CLSTN1: variants seen among roughly 807,000 people sequenced by gnomAD.
CLSTN1 encodes the protein calsyntenin-1.
CLSTN1 carries 28 observed loss-of-function variants against 108.3 expected under a neutral mutation model. That is an observed-to-expected ratio of 0.26 (90% CI 0.19 to 0.35). The LOEUF (loss-of-function observed/expected upper bound fraction) is 0.35. Ranked by LOEUF, CLSTN1 falls within the 10% of genes least tolerant of loss-of-function variation. CLSTN1 has a pLI of 1.00. For missense variants in CLSTN1, 1,157 were observed against 1,302.6 expected, an observed-to-expected ratio of 0.89 and a Z score of 1.72; for synonymous variants, 524 against 534.9, an observed-to-expected ratio of 0.98 and a Z score of 0.28.
At chr1:9,795,677 G>A (rs533772154) in intron 1 of CLSTN1, among the ~76,000 whole-genome samples, 4 of 151,564 alleles carry the variant, frequency 2.6e-5, no homozygotes, top group African/African-American at 9.6e-5. Context: ...ACACTGGCTG[G>A]GTGCGGTGGC....
At chr1:9,752,329 G>C (rs1651595185) in intron 4 of CLSTN1, among the ~76,000 whole-genome samples, 1 of 152,140 alleles carries the variant, frequency 6.6e-6, no homozygotes, top group South Asian at 2.1e-4. Context: ...AAAAACTGTA[G>C]GTTTCAAGGG....
intron 1 of CLSTN1, among the ~76,000 whole-genome samples, chr1:9,817,038 T>C (rs927777110): frequency 6.6e-6 from 1 of 152,172 alleles, no homozygotes; most frequent in Non-Finnish European, 1.5e-5. Flanking sequence ...GTTCTTGTCA[T>C]GGGAGAATCA....
At chr1:9,744,694 G>A (rs567366239) in intron 7 of CLSTN1, 51 bp from the exon 8 acceptor site, 16 of 1,549,314 alleles carry the variant, frequency 1.0e-5, no homozygotes, top group South Asian at 3.5e-5. Context: ...GAGGTCCCGC[G>A]CACCTCAAGC....
intron 1 of CLSTN1, among the ~76,000 whole-genome samples, chr1:9,787,183 GAA>G: frequency 6.6e-6 from 1 of 151,204 alleles, no homozygotes; most frequent in East Asian, 2.0e-4. Context: ...GAATCCAGAA[GAA>G]GGGGCTTCTG....
At chr1:9,803,648 C>T (rs965565559) in intron 1 of CLSTN1, among the ~76,000 whole-genome samples, 5 of 151,760 alleles carry the variant, frequency 3.3e-5, no homozygotes, top group African/African-American at 1.2e-4. Context: ...ACTAAAAATA[C>T]AAAAATTAGC....
At position 9,730,827 on chromosome 1, in the gene CLSTN1, C is replaced by T. The variant is rs1650336275; in HGVS notation, c.2749-122G>A. ...GCCCCAGCGTCTCCCTCCCCAGCGA[C>T]AGAGCAGCCAGGACGGCACCGGAAG... On this transcript the variant is annotated intron_variant, in intron 18 of 18. Coordinates refer to ENST00000377298, the MANE Select transcript of CLSTN1 (RefSeq NM_001009566.3). This position sits in a 1 kb window ranked among gnomAD's most constrained non-coding sequence, Gnocchi z 5.6. 2 of 928,444 alleles carry T rather than the reference C, an allele frequency of 2.2e-6. No homozygotes were observed. Among genetic ancestry groups the T allele is most frequent in the East Asian group, 5.3e-5 (2 of 37,844 alleles). 57.5% of individuals were successfully genotyped at this position (928,444 alleles called of 1,614,324 possible). A position where few individuals can be genotyped will look rare whatever the true frequency, so the allele number is the denominator to read the frequency against.
chr1:9,771,616 GA>G (rs1020057394), intron 2 of CLSTN1, among the ~76,000 whole-genome samples: 2 of 149,218 alleles, frequency 1.3e-5, no homozygotes, highest in African/African-American at 2.5e-5. Flanking sequence ...TGTTTCAGGA[GA>G]AAAAAAAAAT....
intron 2 of CLSTN1, among the ~76,000 whole-genome samples, chr1:9,766,592 AG>A (rs1482154565): frequency 6.6e-6 from 1 of 151,906 alleles, no homozygotes; most frequent in Non-Finnish European, 1.5e-5. Context: ...CCCGGAAGGC[AG>A]AGGTTGCAGT....
In CLSTN1 at chr1:9,734,825, G is replaced by C. The variant is rs909934781; in HGVS notation, c.2110+123C>G. On this transcript the variant is annotated intron_variant, in intron 14 of 18. Coordinates refer to ENST00000377298, the MANE Select transcript of CLSTN1 (RefSeq NM_001009566.3). The surrounding 1 kb of genome is among the most constrained non-coding windows in gnomAD (Gnocchi z 4.8). ...TCAGATTCCAGAAGCACACCCGAGA[G>C]AACACCAACGAAAGATTAAAACCTC... 3.9e-6 allele frequency: 3 copies of C among 777,036 alleles called. No homozygotes were observed. Among genetic ancestry groups the C allele is most frequent in the Middle Eastern group, 3.6e-4 (1 of 2,766 alleles). The allele number at this position is 777,036 out of a possible 1,614,324, so 48.1% of individuals were successfully genotyped here. A position where few individuals can be genotyped will look rare whatever the true frequency, so the allele number is the denominator to read the frequency against.
intron 7 of CLSTN1, among the ~76,000 whole-genome samples, chr1:9,748,789 C>G (rs1418110030): frequency 1.3e-5 from 2 of 151,834 alleles, no homozygotes; most frequent in Admixed American, 6.6e-5. Flanking sequence ...ATGCCCTGGC[C>G]TTTGTCTTCA....
intron 2 of CLSTN1, among the ~76,000 whole-genome samples, chr1:9,772,104 G>T (rs1454077705): frequency 7.1e-6 from 1 of 140,124 alleles, no homozygotes; most frequent in South Asian, 2.3e-4. Flanking sequence ...TGCCTCCGGA[G>T]TACCTAGGAC....
chr1:9,738,648 T>C (rs918912563), intron 10 of CLSTN1, among the ~76,000 whole-genome samples: 1 of 152,094 alleles, frequency 6.6e-6, no homozygotes, highest in Admixed American at 6.5e-5. Flanking sequence ...AAACAATCTG[T>C]GGGGTTTTTT....
At chr1:9,773,434 A>G (rs760491030) in intron 1 of CLSTN1, 40 bp from the exon 2 acceptor site, 1 of 1,550,944 alleles carries the variant, frequency 6.4e-7, no homozygotes, top group Non-Finnish European at 8.7e-7. Flanking sequence ...CAAGGTTAGA[A>G]ATATTATTTT....
At chr1:9,781,133 G>A (rs1467609886) in intron 1 of CLSTN1, 3 of 745,884 alleles carry the variant, frequency 4.0e-6, no homozygotes, top group African/African-American at 1.8e-5. Flanking sequence ...TCCTATTTGT[G>A]TACGGCTTTG....
At position 9,735,970 on chromosome 1, in the gene CLSTN1, G is replaced by T. The variant is rs759629198; in HGVS notation, c.1649C>A (p.Ala550Glu). Residue 550 changes from alanine (A) to glutamate (E), a missense_variant, in exon 12 of 19, where the codon GCG (alanine) becomes GAG (glutamate). Physicochemically the swap from Ala to Glu is moderately radical, Grantham distance 107. Coordinates refer to ENST00000377298, the MANE Select transcript of CLSTN1 (RefSeq NM_001009566.3). ...CAGACAGTCGATCACCTTCTTATCC[G>T]CGAGTTTCCCGGAACGGAGAGTTAA... ...AGLTLRSGKL[A>E]DKKVIDCLYT... 2.5e-6 allele frequency: 4 copies of T among 1,614,140 alleles called. No homozygotes were observed. Among genetic ancestry groups the T allele is most frequent in the South Asian group, 1.1e-5 (1 of 91,078 alleles).
At chr1:9,796,891 G>A (rs1057023911) in intron 1 of CLSTN1, among the ~76,000 whole-genome samples, 25 of 152,200 alleles carry the variant, frequency 1.6e-4, no homozygotes, top group African/African-American at 5.8e-4. Flanking sequence ...TGTGGAGTCA[G>A]GATTCAAAAC....
intron 1 of CLSTN1, among the ~76,000 whole-genome samples, chr1:9,800,576 A>G (rs2101267416): frequency 6.7e-6 from 1 of 149,900 alleles, no homozygotes; most frequent in Admixed American, 6.7e-5. Flanking sequence ...AAAAAAAAAA[A>G]AAAATTAGCT....
chr1:9,735,182 C>A lies in CLSTN1; in HGVS notation c.1884-8G>T. On this transcript the variant is annotated splice_region_variant and splice_polypyrimidine_tract_variant and intron_variant, in intron 13 of 18. Coordinates refer to ENST00000377298, the MANE Select transcript of CLSTN1 (RefSeq NM_001009566.3). ...GTGGCCTCGTTAAAACACCTGCCAG[C>A]AAGAAATGGGGAAGGGTCAGGGCTT... 2 of 1,613,550 alleles carry A rather than the reference C, an allele frequency of 1.2e-6. No individual in the cohort carries two copies. The highest frequency in any genetic ancestry group is 1.7e-6 in the Non-Finnish European group (2 of 1,179,544).
At chr1:9,772,184 A>G (rs1166544933) in intron 2 of CLSTN1, among the ~76,000 whole-genome samples, 1 of 112,716 alleles carries the variant, frequency 8.9e-6, no homozygotes, top group African/African-American at 3.5e-5. Flanking sequence ...ACGGGGTTTC[A>G]CCGTGTTAGC....
Sources: allele counts gnomAD v4.1 joint callset (sites outside exome capture counted in the v4.1 genomes callset), GRCh38; gene constraint gnomAD v4.1.1; non-coding constraint Gnocchi (gnomAD v3.1); transcripts MANE v1.5; gene names NCBI Gene and HGNC (gene_info 2026-07-23, HGNC 2026-07-21).